EDA2R: variants seen among roughly 807,000 people sequenced by gnomAD.
EDA2R encodes the protein ectodysplasin A2 receptor.
A neutral mutation model predicts 20.1 loss-of-function variants in EDA2R; 26 were observed. The observed-to-expected ratio is 1.30, with a 90% CI of 0.95 to 1.80. The LOEUF (loss-of-function observed/expected upper bound fraction) is 1.80. EDA2R is among the 40% of genes most tolerant of loss of function. The pLI is 0.00. For missense variants in EDA2R, 277 were observed against 228.7 expected (o/e 1.21, Z -1.36); for synonymous variants, 114 against 88.7 (o/e 1.29, Z -1.60).
intron 2 of EDA2R, among the ~76,000 whole-genome samples, chrX:66,614,130 G>A (rs947503999): frequency 5.4e-5 from 6 of 111,259 alleles, no homozygotes; most frequent in African/African-American, 2.0e-4. Flanking sequence ...ACAGCTTCTG[G>A]GAAAAGACTT....
intron 1 of EDA2R, among the ~76,000 whole-genome samples, chrX:66,633,483 T>C (rs1437125295): frequency 9.0e-6 from 1 of 111,633 alleles, no homozygotes; most frequent in Non-Finnish European, 1.9e-5. Context: ...CCCTGGATTA[T>C]GTTCAAGGGT....
intron 1 of EDA2R, among the ~76,000 whole-genome samples, chrX:66,619,518 T>A (rs139614034): frequency 8.9e-6 from 1 of 111,851 alleles, no homozygotes; most frequent in Non-Finnish European, 1.9e-5. Context: ...CAACCTAAGG[T>A]TATGGCTGCT....
chrX:66,631,029 ACACATGTGTGTATATG>A (rs1244677519), intron 1 of EDA2R, among the ~76,000 whole-genome samples: 2 of 109,426 alleles, frequency 1.8e-5, no homozygotes, highest in East Asian at 5.7e-4. Context: ...ACATATACAC[ACACATGTGTGTATATG>A]TATATATACA....
intron 2 of EDA2R, among the ~76,000 whole-genome samples, chrX:66,608,245 A>C (rs1177237324): frequency 1.8e-5 from 2 of 111,090 alleles, no homozygotes; most frequent in African/African-American, 6.5e-5. Flanking sequence ...GGATTCACAG[A>C]AAAAACAGGG....
intron 1 of EDA2R, among the ~76,000 whole-genome samples, chrX:66,638,700 G>A (rs1934578842): frequency 1.8e-5 from 2 of 110,945 alleles, no homozygotes; most frequent in Admixed American, 1.9e-4. Context: ...AACCCTAGAT[G>A]CTCAAGGTTG....
At chrX:66,604,616 G>A in intron 3 of EDA2R, 110 bp from the exon 4 acceptor site, 1 of 660,792 alleles carries the variant, frequency 1.5e-6, no homozygotes. Flanking sequence ...GAAAGTAAGT[G>A]CCCACCCCTC....
intron 1 of EDA2R, among the ~76,000 whole-genome samples, chrX:66,633,619 C>G (rs1026396216): frequency 9.0e-6 from 1 of 111,377 alleles, no homozygotes; most frequent in Admixed American, 9.5e-5. Flanking sequence ...GGAGACAAGC[C>G]CCAAGCCAGA....
At chrX:66,606,013 G>A (rs1245507504) in intron 2 of EDA2R, among the ~76,000 whole-genome samples, 1 of 111,436 alleles carries the variant, frequency 9.0e-6, no homozygotes, top group Non-Finnish European at 1.9e-5. Context: ...TACTAACTTT[G>A]GCCATATTCC....
At chrX:66,613,466 A>G (rs916799441) in intron 2 of EDA2R, among the ~76,000 whole-genome samples, 4 of 111,656 alleles carry the variant, frequency 3.6e-5, no homozygotes, top group South Asian at 3.7e-4. Flanking sequence ...CAAATAGATA[A>G]AAAGTAAAAC....
At chrX:66,606,556 A>G (rs1234970952) in intron 2 of EDA2R, among the ~76,000 whole-genome samples, 2 of 112,438 alleles carry the variant, frequency 1.8e-5, no homozygotes, top group African/African-American at 6.5e-5. Context: ...AAAAACAAGC[A>G]GGAACTGTCA....
chrX:66,608,195 C>T (rs558363911), intron 2 of EDA2R, among the ~76,000 whole-genome samples: 26 of 111,372 alleles, frequency 2.3e-4, no homozygotes, highest in African/African-American at 8.1e-4. Flanking sequence ...ACATAAGGAA[C>T]TTGTGGAACA....
rs867559600 is a variant in EDA2R at position 66,638,443 on chromosome X, G to A, written c.-11+552C>T. Reference sequence around the variant, plus strand: ...GGGTCTTGGCCAGTGTTTGGAGTGAGGCAGGATCAAAATAACACTGCCCGG... The same window carrying A: ...GGGTCTTGGCCAGTGTTTGGAGTGAAGCAGGATCAAAATAACACTGCCCGG... On this transcript the variant is annotated intron_variant, in intron 1 of 6. Transcript: ENST00000374719. Among the ~76,000 whole-genome samples the A allele has an allele frequency of 1.2e-4, 13 of 111,017 alleles. No homozygotes were observed. The South Asian group carries it at 1.6e-3, about 13-fold the overall frequency.
chrX:66,605,082 T>A lies in EDA2R; in HGVS notation c.232A>T (p.Thr78Ser). 1 of 1,207,849 alleles carries A rather than the reference T, an allele frequency of 8.3e-7. No homozygotes were observed. The highest frequency in any genetic ancestry group is 1.1e-6 in the Non-Finnish European group (1 of 893,655). ...NRVQKVNCTA[T>S]SNAVCGDCLP... is the part of the protein sequence containing the mutation. Reference sequence around the variant, plus strand: ...CAGTCCCCACAGACAGCATTAGAGGTAGCTGTGCAGTTGACCTTCTGAACA... The same window carrying A: ...CAGTCCCCACAGACAGCATTAGAGGAAGCTGTGCAGTTGACCTTCTGAACA... Residue 78 changes from threonine to serine, a missense_variant, in exon 3 of 7, where the codon ACC (threonine) becomes TCC (serine). Coordinates refer to ENST00000374719, the MANE Select transcript of EDA2R (RefSeq NM_021783.5).
At chrX:66,630,341 G>A (rs7050093) in intron 1 of EDA2R, among the ~76,000 whole-genome samples, 4 of 111,237 alleles carry the variant, frequency 3.6e-5, no homozygotes, top group Admixed American at 9.5e-5. Flanking sequence ...ATAAATAGCC[G>A]GGACCTAATT....
chrX:66,599,350 C>T (rs1037142442), intron 6 of EDA2R, 124 bp downstream of exon 6: 9 of 818,964 alleles, frequency 1.1e-5, no homozygotes, highest in African/African-American at 2.1e-5. Flanking sequence ...CAAAGTGTTC[C>T]TAGCTTGCTG....
intron 1 of EDA2R, among the ~76,000 whole-genome samples, chrX:66,621,202 G>A (rs773722418): frequency 1.8e-5 from 2 of 111,289 alleles, no homozygotes; most frequent in South Asian, 3.8e-4. Context: ...GCTTGAACCC[G>A]GGAGGCAGAG....
chrX:66,628,046 T>G lies in EDA2R; in HGVS notation c.-11+10949A>C, dbSNP rs183622110. Among the ~76,000 whole-genome samples, 19 of 111,255 alleles carry G rather than the reference T, an allele frequency of 1.7e-4. 1 individual carries two copies. The highest frequency in any genetic ancestry group is 3.0e-4 in the Non-Finnish European group (16 of 53,014). On this transcript the variant is annotated intron_variant, in intron 1 of 6. Transcript: ENST00000374719. ...ACTCAAAAAGGAACCTTCAAAACCA[T>G]GCAGATACATGGAAATTATATAACC...
At position 66,602,754 on chromosome X, in the gene EDA2R, C is replaced by A; in HGVS notation, c.396G>T (p.Val132=). ...LSLVEADTPT[V]PPQEATLVAL... is the part of the protein sequence containing the mutation. The stretch of plus-strand genomic sequence containing the variant: ...CAACAAGTGTGGCCTCCTGAGGGGG[C>A]ACTGTGGGTGTATCTGCCTCCACTA... Residue 132 remains valine, a synonymous_variant, in exon 5 of 7, where the codon GTG becomes GTT. Transcript: ENST00000374719. 8.4e-7 allele frequency: 1 copy of A among 1,197,186 alleles called. No individual in the cohort carries two copies. Among genetic ancestry groups the A allele is most frequent in the Non-Finnish European group, 1.1e-6 (1 of 888,033 alleles).
chrX:66,634,218 A>AT (rs1166214528), intron 1 of EDA2R, among the ~76,000 whole-genome samples: 2 of 111,930 alleles, frequency 1.8e-5, no homozygotes, highest in African/African-American at 6.5e-5. Flanking sequence ...ATATTTCTTC[A>AT]TTTTTTCTTT....
Sources: allele counts gnomAD v4.1 joint callset (sites outside exome capture counted in the v4.1 genomes callset), GRCh38; gene constraint gnomAD v4.1.1; transcripts MANE v1.5; gene names NCBI Gene and HGNC (gene_info 2026-07-23, HGNC 2026-07-21).